Variants in DNAJB12 observed in about 807,000 individuals in gnomAD.
DNAJB12 encodes DnaJ heat shock protein family (Hsp40) member B12.
Under a neutral mutation model 40.6 loss-of-function variants are expected in DNAJB12, and 14 were observed. The observed-to-expected ratio is 0.34, with a 90% CI of 0.23 to 0.54. The LOEUF is 0.54. Among genes scored for constraint, DNAJB12 ranks in the 20% least tolerant of loss-of-function variants. The pLI, the probability that DNAJB12 is intolerant of heterozygous loss-of-function variation, is 0.92. For missense variants in DNAJB12, 444 were observed against 501.7 expected (o/e 0.89, Z 1.10); for synonymous variants, 181 against 199.5 (o/e 0.91, Z 0.78).
rs1321571520 is a variant in DNAJB12, at chr10:72,335,559, C to T, written c.*30+221G>A. 6.8e-6 allele frequency: 9 copies of T among 1,319,830 alleles called. No homozygotes were observed. Among genetic ancestry groups the T allele is most frequent in the South Asian group, 1.7e-5 (1 of 60,562 alleles). The allele number at this position is 1,319,830 out of a possible 1,614,324, so 81.8% of individuals were successfully genotyped here. Reference sequence around the variant, plus strand: ...ACACCCCTGGAGCCAGGGAGCAGAGCGGAGGAGTGGGGAGGACAGCATCGC... The same window carrying T: ...ACACCCCTGGAGCCAGGGAGCAGAGTGGAGGAGTGGGGAGGACAGCATCGC... On this transcript the variant is annotated intron_variant, in intron 8 of 8. Coordinates refer to ENST00000444643, the MANE Select transcript of DNAJB12 (RefSeq NM_017626.7). This position sits in a 1 kb window ranked among gnomAD's most constrained non-coding sequence, Gnocchi z 4.4.
chr10:72,345,928 A>T (rs1023437681), intron 1 of DNAJB12, among the ~76,000 whole-genome samples: 1 of 151,080 alleles, frequency 6.6e-6, no homozygotes, highest in Non-Finnish European at 1.5e-5. Flanking sequence ...GGCAGGATAG[A>T]GGTCTTTTTC....
chr10:72,340,215 G>A (rs1278149813), intron 5 of DNAJB12, among the ~76,000 whole-genome samples: 3 of 151,758 alleles, frequency 2.0e-5, no homozygotes, highest in East Asian at 3.9e-4. Flanking sequence ...GTGGTGGCAC[G>A]CACCCGTAAT....
Position 72,341,078 on chromosome 10 carries a change from C to T in DNAJB12, c.550G>A (p.Gly184Ser), listed in dbSNP as rs148088395. The change falls in exon 4 of 9, where the codon GGC becomes AGC. Residue 184 changes from glycine (G) to serine (S), a missense_variant. Gly to Ser is a moderately conservative substitution (Grantham distance 56, BLOSUM62 0). Coordinates refer to ENST00000444643, the MANE Select transcript of DNAJB12 (RefSeq NM_017626.7). ...GDDKSQAARH[G>S]HGHGDFHRGF... Reference sequence around the variant, plus strand: ...CGGTGGAAATCCCCATGCCCATGGCCGTGCCGGGCCGCCTGGCTCTTGTCA... The same window carrying T: ...CGGTGGAAATCCCCATGCCCATGGCTGTGCCGGGCCGCCTGGCTCTTGTCA... 4.1e-3 allele frequency: 6,694 copies of T among 1,614,170 alleles called. 19 individuals are homozygous for T. The highest frequency in any genetic ancestry group is 5.0e-3 in the Non-Finnish European group (5,915 of 1,180,034).
At chr10:72,354,449 T>C (rs1490816419) in intron 1 of DNAJB12, 2 of 336,586 alleles carry the variant, frequency 5.9e-6, no homozygotes, top group African/African-American at 2.1e-5. Flanking sequence ...GGAAAAGTAG[T>C]TCGAGTTCAC....
At chr10:72,340,727 C>T (rs1290003417) in intron 5 of DNAJB12, 62 bp downstream of exon 5, 2 of 1,530,018 alleles carry the variant, frequency 1.3e-6, no homozygotes, top group Non-Finnish European at 1.8e-6. Context: ...CTCCTCCAAG[C>T]CCCCTCCCTG....
chr10:72,344,911 C>T, intron 2 of DNAJB12, 39 bp downstream of exon 2: 1 of 1,611,894 alleles, frequency 6.2e-7, no homozygotes, highest in Non-Finnish European at 8.5e-7. Context: ...CTAGATTTCC[C>T]CAGTCTCCCC....
At chr10:72,354,139 G>A (rs1248083191) in intron 1 of DNAJB12, 1 of 152,370 alleles carries the variant, frequency 6.6e-6, no homozygotes, top group Non-Finnish European at 1.5e-5. Flanking sequence ...CCTCCCACCA[G>A]GCCACCCGCT....
rs780816054 is a variant in DNAJB12 at position 72,340,774 on chromosome 10, G to A, written c.723+15C>T. The A allele has an allele frequency of 1.9e-6, 3 of 1,612,996 alleles. No individual in the cohort carries two copies. Among genetic ancestry groups the A allele is most frequent in the Admixed American group, 1.7e-5 (1 of 59,946 alleles). ...GTGCCCTTCCCGCGCTGTCCCTGGCGCCCTCCTCACTCACATCACCCTGGT... is the reference window on the plus strand; with the variant it reads ...GTGCCCTTCCCGCGCTGTCCCTGGCACCCTCCTCACTCACATCACCCTGGT... On this transcript the variant is annotated intron_variant, in intron 5 of 8. Transcript: ENST00000444643.
chr10:72,337,515 G>A (rs1000774514), intron 6 of DNAJB12, among the ~76,000 whole-genome samples: 12 of 152,214 alleles, frequency 7.9e-5, no homozygotes, highest in Non-Finnish European at 1.6e-4. Flanking sequence ...GTTCACTCCT[G>A]GCAGTCGAGA....
At position 72,335,121 on chromosome 10, in the gene DNAJB12, G is replaced by A. The variant is rs1376838434; in HGVS notation, c.*31-504C>T. 9.1e-6 allele frequency: 9 copies of A among 989,454 alleles called. No homozygotes were observed. The highest frequency in any genetic ancestry group is 9.6e-6 in the Non-Finnish European group (8 of 832,212). The allele number at this position is 989,454 out of a possible 1,614,324, so 61.3% of individuals were successfully genotyped here. A position where few individuals can be genotyped will look rare whatever the true frequency, so the allele number is the denominator to read the frequency against. ...GATGCCTGGGCAAGGCCGGATGCCT[G>A]TGGCTTCCAGGCTGCCAGGTGTGAC... On this transcript the variant is annotated intron_variant, in intron 8 of 8. Transcript: ENST00000444643. The surrounding 1 kb of genome is among the most constrained non-coding windows in gnomAD (Gnocchi z 4.4).
rs772191197 is a variant in DNAJB12, at chr10:72,336,505, G to C, written c.1006+19C>G. 1 of 1,609,812 alleles carries C rather than the reference G, an allele frequency of 6.2e-7. No individual in the cohort carries two copies. The highest frequency in any genetic ancestry group is 1.1e-5 in the South Asian group (1 of 90,746). On this transcript the variant is annotated intron_variant, in intron 7 of 8. Transcript: ENST00000444643. ...AAGCCACCTCCCAAATACAGCCCCC[G>C]CCTTCCCCCCACACTCACTCTGCTG... is the stretch of plus-strand genomic sequence containing the variant.
chr10:72,334,294 C>T lies in DNAJB12; in HGVS notation c.*354G>A. The T allele has an allele frequency of 2.2e-6, 1 of 446,954 alleles. No individual in the cohort carries two copies. Among genetic ancestry groups the T allele is most frequent in the Non-Finnish European group, 4.0e-6 (1 of 251,766 alleles). The allele number at this position is 446,954 out of a possible 1,614,324, so 27.7% of individuals were successfully genotyped here. On this transcript the variant is annotated 3_prime_UTR_variant, in exon 9 of 9. Transcript: ENST00000444643. ...GGCTCCTGTGAGGGAGGAAAGGCAG[C>T]TGGGTGCCCCCTCCCCCAGCCCTTC...
At chr10:72,341,466 TTTTG>T (rs779391547) in intron 3 of DNAJB12, among the ~76,000 whole-genome samples, 12 of 152,076 alleles carry the variant, frequency 7.9e-5, no homozygotes, top group Admixed American at 2.6e-4. Flanking sequence ...ATTTACTTCT[TTTTG>T]TTTGTTTATT....
chr10:72,337,876 G>A (rs1039250404), intron 6 of DNAJB12, among the ~76,000 whole-genome samples: 6 of 152,138 alleles, frequency 3.9e-5, no homozygotes, highest in South Asian at 2.1e-4. Flanking sequence ...ATATGTGTGC[G>A]TGTATGTGTG....
In DNAJB12 at chr10:72,341,751, C is replaced by T. The variant is rs554622017; in HGVS notation, c.458-581G>A. On this transcript the variant is annotated intron_variant, in intron 3 of 8. Coordinates refer to ENST00000444643, the MANE Select transcript of DNAJB12 (RefSeq NM_017626.7). ...CCTCCCAAAGTGCTGGGATTATAGA[C>T]ATAAGCCACCACACCAGGTCAACTC... Among the ~76,000 whole-genome samples, 11 of 152,320 alleles carry T rather than the reference C, an allele frequency of 7.2e-5. No individual in the cohort carries two copies. In the East Asian group the frequency reaches 1.7e-3, roughly 24 times the overall value.
intron 2 of DNAJB12, among the ~76,000 whole-genome samples, chr10:72,344,272 G>A (rs768447795): frequency 6.6e-6 from 1 of 152,234 alleles, no homozygotes; most frequent in African/African-American, 2.4e-5. Context: ...GTGAAGTACA[G>A]ATCTCGCCTA....
intron 2 of DNAJB12, among the ~76,000 whole-genome samples, chr10:72,344,724 G>A (rs1469618210): frequency 6.6e-6 from 1 of 152,236 alleles, no homozygotes; most frequent in Non-Finnish European, 1.5e-5. Flanking sequence ...GCTGTGGGTC[G>A]TGGCGGGAGG....
chr10:72,347,825 A>G (rs1390906322), intron 1 of DNAJB12, among the ~76,000 whole-genome samples: 1 of 148,784 alleles, frequency 6.7e-6, no homozygotes, highest in Non-Finnish European at 1.5e-5. Context: ...AGGCAGCAGG[A>G]TGGCTTGAAT....
chr10:72,349,075 CA>C (rs2132003487), intron 1 of DNAJB12, among the ~76,000 whole-genome samples: 1 of 152,220 alleles, frequency 6.6e-6, no homozygotes, highest in Admixed American at 6.5e-5. Context: ...GGGATGCAAG[CA>C]AAAGCATAGA....
Sources: gnomAD v4.1 joint callset for allele counts (sites outside exome capture counted in the v4.1 genomes callset) on GRCh38, gnomAD v4.1.1 for gene constraint, Gnocchi (gnomAD v3.1) non-coding constraint, MANE v1.5 for transcripts, NCBI Gene and HGNC (gene_info 2026-07-23, HGNC 2026-07-21) for gene names.